Variants in YBX3 observed in about 807,000 individuals in gnomAD.
YBX3 encodes Y-box-binding protein 3.
Under a neutral mutation model 42.4 loss-of-function variants are expected in YBX3, and 29 were observed. The ratio of observed to expected loss-of-function variants is 0.68; its 90% CI spans 0.51 to 0.93. The LOEUF (loss-of-function observed/expected upper bound fraction) is 0.93. YBX3 is among the 40% of genes least tolerant of loss of function. YBX3 has a pLI of 0.00. For missense variants in YBX3, 517 were observed against 527.5 expected (o/e 0.98, Z 0.19); for synonymous variants, 195 against 189.8 (o/e 1.03, Z -0.22).
At chr12:10,718,966 C>T (rs1948294320) in intron 2 of YBX3, 114 bp downstream of exon 2, 2 of 898,104 alleles carry the variant, frequency 2.2e-6, no homozygotes, top group African/African-American at 1.7e-5. Context: ...ATTTACAGTG[C>T]TTAGAAACCT....
chr12:10,715,183 G>A (rs1030992962), intron 4 of YBX3, among the ~76,000 whole-genome samples: 1 of 152,054 alleles, frequency 6.6e-6, no homozygotes. Flanking sequence ...CATAATCAGA[G>A]TTGATCATTT....
rs1565588552 is a variant in YBX3 at position 10,709,990 on chromosome 12, CG to C, written c.697del (p.Arg233GlyfsTer35). The C allele has an allele frequency of 6.2e-7, 1 of 1,614,168 alleles. No individual in the cohort carries two copies. Among genetic ancestry groups the C allele is most frequent in the Admixed American group, 1.7e-5 (1 of 60,022 alleles). ...LRRPQYRPQYRQRRFPPYHVG... is the reference protein window; with the variant it reads ...LRRPQYRPQYXQRRFPPYHVG... ...GTGGTAAGGCGGGAACCGCCGCTGC[CG>C]GTACTGAGGGCGATACTGGGGGCGG... On this transcript the variant is annotated frameshift_variant, in exon 6 of 10. Transcript: ENST00000228251. LOFTEE classifies it high-confidence loss of function.
At position 10,722,967 on chromosome 12, in the gene YBX3, C is replaced by T; in HGVS notation, c.145G>A (p.Ala49Thr). ...GAPQAAAPAP[A>T]AHVAGNPGGD... ...CCGGGGTTTCCTGCGACGTGGGCGG[C>T]GGGCGCCGGGGCCGCGGCCTGGGGC... Residue 49 changes from alanine to threonine, a missense_variant, in exon 1 of 10, where the codon GCC becomes ACC. Physicochemically the swap from Ala to Thr is moderately conservative, Grantham distance 58. Transcript: ENST00000228251. 2 of 1,243,936 alleles carry T rather than the reference C, an allele frequency of 1.6e-6. No individual in the cohort carries two copies. The highest frequency in any genetic ancestry group is 3.5e-5 in the South Asian group (1 of 28,208). 77.1% of individuals were successfully genotyped at this position (1,243,936 alleles called of 1,614,324 possible).
intron 3 of YBX3, 129 bp downstream of exon 3, chr12:10,717,959 G>T: frequency 2.8e-6 from 2 of 716,346 alleles, no homozygotes; most frequent in Non-Finnish European, 4.3e-6. Flanking sequence ...AACTCCTGTT[G>T]CAAAATAAAT....
chr12:10,723,165 T>G lies in YBX3; in HGVS notation c.-54A>C. On this transcript the variant is annotated 5_prime_UTR_variant, in exon 1 of 10. Coordinates refer to ENST00000228251, the MANE Select transcript of YBX3 (RefSeq NM_003651.5). ...CGCCTCGGTGGCGGTTGGTCGGCGGTTAGCGCGGCTGGTGGTCGCGGCGGC... is the reference window on the plus strand; with the variant it reads ...CGCCTCGGTGGCGGTTGGTCGGCGGGTAGCGCGGCTGGTGGTCGCGGCGGC... The G allele has an allele frequency of 8.4e-7, 1 of 1,185,612 alleles. No homozygotes were observed. Among genetic ancestry groups the G allele is most frequent in the Admixed American group, 4.5e-5 (1 of 22,082 alleles). 73.4% of individuals were successfully genotyped at this position (1,185,612 alleles called of 1,614,324 possible). A position where few individuals can be genotyped will look rare whatever the true frequency, so the allele number is the denominator to read the frequency against.
At chr12:10,720,785 T>A (rs938781801) in intron 1 of YBX3, 16 of 152,184 alleles carry the variant, frequency 1.1e-4, no homozygotes, top group Non-Finnish European at 8.8e-5. Flanking sequence ...AATTCTCAGG[T>A]CTAACCTCAA....
chr12:10,713,366 TA>T (rs1463539651), intron 4 of YBX3, 33 bp from the exon 5 acceptor site: 2 of 1,606,316 alleles, frequency 1.2e-6, no homozygotes, highest in Non-Finnish European at 1.7e-6. Context: ...GCCTCAAAAT[TA>T]AAAAGAATAT....
chr12:10,721,855 G>A (rs922574523), intron 1 of YBX3: 3 of 152,194 alleles, frequency 2.0e-5, no homozygotes, highest in African/African-American at 7.2e-5. Context: ...ACCCTTTAGG[G>A]AGGTTATTCA....
At chr12:10,711,678 G>A (rs1006551126) in intron 5 of YBX3, 2 of 152,166 alleles carry the variant, frequency 1.3e-5, no homozygotes, top group African/African-American at 2.4e-5. Context: ...TACTGAACAA[G>A]TTGTTGGGAC....
At chr12:10,709,432 A>T (rs1948173140) in intron 6 of YBX3, among the ~76,000 whole-genome samples, 1 of 152,222 alleles carries the variant, frequency 6.6e-6, no homozygotes, top group Non-Finnish European at 1.5e-5. Context: ...TAAAAATGTT[A>T]TTTATGCTGC....
intron 5 of YBX3, 118 bp from the exon 6 acceptor site, chr12:10,710,232 C>T (rs1285603721): frequency 6.5e-7 from 1 of 1,530,912 alleles, no homozygotes; most frequent in Non-Finnish European, 8.7e-7. Flanking sequence ...TAATCCTTTC[C>T]ATTATACAGA....
intron 1 of YBX3, among the ~76,000 whole-genome samples, chr12:10,721,745 G>A (rs939534536): frequency 6.6e-6 from 1 of 152,170 alleles, no homozygotes; most frequent in African/African-American, 2.4e-5. Flanking sequence ...TCAGAGAGAT[G>A]AGACAAACAT....
chr12:10,717,984 A>C lies in YBX3; in HGVS notation c.360+104T>G, dbSNP rs1164501757. On this transcript the variant is annotated intron_variant, in intron 3 of 9. Coordinates refer to ENST00000228251, the MANE Select transcript of YBX3 (RefSeq NM_003651.5). Reference sequence around the variant, plus strand: ...GCAAAATAAATCACAGAAAGAGTTTAGATTAAAATAATAATCCATAGGACT... The same window carrying C: ...GCAAAATAAATCACAGAAAGAGTTTCGATTAAAATAATAATCCATAGGACT... 6 of 936,944 alleles carry C rather than the reference A, an allele frequency of 6.4e-6. No individual in the cohort carries two copies. In the African/African-American group the frequency reaches 8.5e-5, roughly 13 times the overall value. 58.0% of individuals were successfully genotyped at this position (936,944 alleles called of 1,614,324 possible).
chr12:10,706,417 T>C (rs1948137672), intron 6 of YBX3, among the ~76,000 whole-genome samples: 1 of 152,234 alleles, frequency 6.6e-6, no homozygotes, highest in Non-Finnish European at 1.5e-5. Context: ...TTCCCGCCCT[T>C]TGCTGTTTCT....
chr12:10,700,097 AGGGTATGGC>A (rs1308267571), intron 9 of YBX3, among the ~76,000 whole-genome samples: 1 of 152,188 alleles, frequency 6.6e-6, no homozygotes, highest in Non-Finnish European at 1.5e-5. Context: ...ACGCCATAAA[AGGGTATGGC>A]CATTTTTATA....
At chr12:10,714,549 C>A (rs534574225) in intron 4 of YBX3, among the ~76,000 whole-genome samples, 4 of 152,142 alleles carry the variant, frequency 2.6e-5, no homozygotes, top group African/African-American at 9.7e-5. Flanking sequence ...TTCACCCGGA[C>A]GAAGCTATCT....
chr12:10,707,903 G>A (rs892850811), intron 6 of YBX3, among the ~76,000 whole-genome samples: 5 of 152,232 alleles, frequency 3.3e-5, no homozygotes, highest in Admixed American at 1.3e-4. Flanking sequence ...AAGGATGAGA[G>A]TCTGCCAGAA....
intron 6 of YBX3, among the ~76,000 whole-genome samples, chr12:10,709,424 A>C (rs39629): frequency 6.6e-6 from 1 of 152,262 alleles, no homozygotes; most frequent in East Asian, 1.9e-4. Flanking sequence ...CAATACTTTA[A>C]AAATGTTATT....
At chr12:10,710,752 A>T (rs1948191276) in intron 5 of YBX3, 2 of 444,170 alleles carry the variant, frequency 4.5e-6, no homozygotes, top group Non-Finnish European at 8.8e-6. Flanking sequence ...CAGATGTGAG[A>T]ATCCAGCTAT....
Sources: gnomAD v4.1 joint callset for allele counts (sites outside exome capture counted in the v4.1 genomes callset) on GRCh38, gnomAD v4.1.1 for gene constraint, MANE v1.5 for transcripts, NCBI Gene and HGNC (gene_info 2026-07-23, HGNC 2026-07-21) for gene names.